Variants in ATAD2B observed in about 807,000 individuals in gnomAD.
ATAD2B encodes ATPase family AAA domain-containing protein 2B.
A neutral mutation model predicts 167.6 loss-of-function variants in ATAD2B; 40 were observed. The observed-to-expected ratio is 0.24, with a 90% CI of 0.19 to 0.31. The LOEUF is 0.31. ATAD2B is among the 10% of genes least tolerant of loss of function. The probability of loss-of-function intolerance (pLI) is 1.00; values close to 1 mark genes in which losing one functional copy is unlikely to be tolerated. For missense variants in ATAD2B, 1,242 were observed against 1,757.2 expected (o/e 0.71, Z 5.24); for synonymous variants, 579 against 596.5 (o/e 0.97, Z 0.43).
intron 13 of ATAD2B, among the ~76,000 whole-genome samples, chr2:23,835,678 G>GT (rs1689817737): frequency 2.0e-5 from 3 of 152,160 alleles, no homozygotes; most frequent in Non-Finnish European, 4.4e-5. Flanking sequence ...GCTCACACCT[G>GT]TAATTCCAGC....
intron 2 of ATAD2B, 31 bp from the exon 3 acceptor site, chr2:23,888,430 A>G: frequency 7.1e-7 from 1 of 1,411,952 alleles, no homozygotes; most frequent in South Asian, 1.4e-5. Flanking sequence ...ATATGCAAAC[A>G]CATCAACATT....
chr2:23,684,697 TCTCA>T, the ATAD2B span, among the ~76,000 whole-genome samples: 6 of 150,968 alleles, frequency 4.0e-5, no homozygotes, highest in Non-Finnish European at 7.4e-5. The surrounding 1 kb of genome is among the most constrained non-coding windows in gnomAD (Gnocchi z 4.4). Context: ...CCCAGTACCC[TCTCA>T]CACACAGCCT....
At chr2:23,791,506 G>A (rs998710456) in intron 19 of ATAD2B, among the ~76,000 whole-genome samples, 2 of 150,370 alleles carry the variant, frequency 1.3e-5, no homozygotes, top group Admixed American at 6.6e-5. Context: ...GGCAAAAAAC[G>A]CAATTACTCT....
chr2:23,869,420 G>A (rs1695593308), intron 9 of ATAD2B, among the ~76,000 whole-genome samples: 1 of 152,096 alleles, frequency 6.6e-6, no homozygotes, highest in African/African-American at 2.4e-5. Context: ...AGGTTGGCCT[G>A]TTTCCCTTAG....
In ATAD2B at chr2:23,908,497, G is replaced by C. The variant is rs533852961; in HGVS notation, c.217-12527C>G. On this transcript the variant is annotated intron_variant, in intron 1 of 27. Coordinates refer to ENST00000238789, the MANE Select transcript of ATAD2B (RefSeq NM_017552.4). Reference sequence around the variant, plus strand: ...AAAAGTCAGAAAACAACAGGTGCTGGAGAGGATGTGGAGAAATAGGAACAC... The same window carrying C: ...AAAAGTCAGAAAACAACAGGTGCTGCAGAGGATGTGGAGAAATAGGAACAC... 3.9e-5 allele frequency among the ~76,000 whole-genome samples: 6 copies of C among 152,266 alleles called. No homozygotes were observed. The East Asian group carries it at 1.2e-3, about 29-fold the overall frequency.
chr2:23,834,353 G>C (rs1185226940), intron 13 of ATAD2B, among the ~76,000 whole-genome samples: 2 of 151,446 alleles, frequency 1.3e-5, no homozygotes, highest in Non-Finnish European at 1.5e-5. Flanking sequence ...GTAGAGATGG[G>C]GTTTCGCTAT....
At chr2:23,924,216 C>CAGAAAAAGG (rs1458661339) in intron 1 of ATAD2B, among the ~76,000 whole-genome samples, 1 of 152,092 alleles carries the variant, frequency 6.6e-6, no homozygotes. Context: ...GGCACAAAAG[C>CAGAAAAAGG]AGAAAAAGGA....
chr2:23,875,722 T>A, intron 8 of ATAD2B, 107 bp downstream of exon 8: 1 of 752,100 alleles, frequency 1.3e-6, no homozygotes, highest in Non-Finnish European at 2.3e-6. Context: ...TGGAAGATAA[T>A]AGTAGCTAAA....
the ATAD2B span, among the ~76,000 whole-genome samples, chr2:23,711,338 CTTTCTTTTT>C: frequency 2.2e-5 from 1 of 45,620 alleles, no homozygotes; most frequent in African/African-American, 8.8e-5. Context: ...CACAGAATTT[CTTTCTTTTT>C]TTTTTTTTTT....
chr2:23,811,555 C>A (rs1685592904), intron 17 of ATAD2B: 1 of 152,098 alleles, frequency 6.6e-6, no homozygotes, highest in Non-Finnish European at 1.5e-5. Flanking sequence ...AATGAGAACA[C>A]ATGGACACAG....
chr2:23,885,639 A>C (rs1418615826), intron 5 of ATAD2B, 88 bp downstream of exon 5: 1 of 722,788 alleles, frequency 1.4e-6, no homozygotes, highest in African/African-American at 1.8e-5. Context: ...ATGCTAATTC[A>C]AAAACATCCA....
chr2:23,838,678 GT>G (rs565289873), intron 13 of ATAD2B, among the ~76,000 whole-genome samples: 1 of 151,772 alleles, frequency 6.6e-6, no homozygotes, highest in Non-Finnish European at 1.5e-5. Context: ...AGGAATCCAG[GT>G]TTTTTTTCCC....
intron 12 of ATAD2B, among the ~76,000 whole-genome samples, chr2:23,859,813 CG>C (rs201335939): frequency 2.7e-5 from 4 of 150,084 alleles, no homozygotes; most frequent in East Asian, 3.9e-4. Context: ...CCACGCGTGG[CG>C]GGGGGGGCAC....
At chr2:23,859,655 A>C (rs1446298158) in intron 12 of ATAD2B, among the ~76,000 whole-genome samples, 1 of 152,102 alleles carries the variant, frequency 6.6e-6, no homozygotes, top group African/African-American at 2.4e-5. Flanking sequence ...TCATGTTGAA[A>C]TTTAATTGCC....
chr2:23,695,205 G>GGTCCTCCCACCTGTTCCTGA, the ATAD2B span, among the ~76,000 whole-genome samples: 1 of 152,018 alleles, frequency 6.6e-6, no homozygotes, highest in Admixed American at 6.6e-5. This position sits in a 1 kb window ranked among gnomAD's most constrained non-coding sequence, Gnocchi z 7.6. Context: ...AGCTTTCCTG[G>GGTCCTCCCACCTGTTCCTGA]GTCCTCCCAC....
chr2:23,828,205 T>C (rs952036655), intron 15 of ATAD2B, among the ~76,000 whole-genome samples: 8 of 152,124 alleles, frequency 5.3e-5, no homozygotes, highest in Admixed American at 4.6e-4. Context: ...TCAGACCTAA[T>C]TAGAGCCAAA....
downstream of ATAD2B, among the ~76,000 whole-genome samples, chr2:23,746,886 A>G (rs1383319837): frequency 6.6e-6 from 1 of 152,220 alleles, no homozygotes; most frequent in African/African-American, 2.4e-5. Flanking sequence ...CTTTTAAAAA[A>G]TAATGTGAAC....
chr2:23,751,869 T>C lies in ATAD2B; in HGVS notation c.*177A>G. Reference sequence around the variant, plus strand: ...GAAGTTCTGTTTGGTTCTTGTAGGCTGGTTGGTTTCAGGTACCTGAGACAA... The same window carrying C: ...GAAGTTCTGTTTGGTTCTTGTAGGCCGGTTGGTTTCAGGTACCTGAGACAA... On this transcript the variant is annotated 3_prime_UTR_variant, in exon 28 of 28. Transcript: ENST00000238789. 1 of 594,394 alleles carries C rather than the reference T, an allele frequency of 1.7e-6. No individual in the cohort carries two copies. The allele number at this position is 594,394 out of a possible 1,614,324, so 36.8% of individuals were successfully genotyped here.
chr2:23,915,302 G>A (rs1331162283), intron 1 of ATAD2B, among the ~76,000 whole-genome samples: 1 of 151,996 alleles, frequency 6.6e-6, no homozygotes, highest in Non-Finnish European at 1.5e-5. Flanking sequence ...AGAGGGTTGA[G>A]GGCATTAATA....
Sources: gnomAD v4.1 joint callset for allele counts (sites outside exome capture counted in the v4.1 genomes callset) on GRCh38, gnomAD v4.1.1 for gene constraint, Gnocchi (gnomAD v3.1) non-coding constraint, MANE v1.5 for transcripts, NCBI Gene and HGNC (gene_info 2026-07-23, HGNC 2026-07-21) for gene names.